The following PPEF1 variants were observed in gnomAD, a reference collection of about 807,000 sequenced individuals.
The protein encoded by PPEF1 is protein phosphatase with EF-hand domain 1, also known as serine/threonine-protein phosphatase with EF-hands 1.
A neutral mutation model predicts 53.3 loss-of-function variants in PPEF1; 12 were observed. The observed-to-expected ratio is 0.23, with a 90% CI of 0.14 to 0.36. PPEF1 has a LOEUF of 0.36. PPEF1 is among the 10% of genes least tolerant of loss of function. The pLI is 1.00. For missense variants in PPEF1, 334 were observed against 490.4 expected (o/e 0.68, Z 3.01); for synonymous variants, 165 against 176.7 (o/e 0.93, Z 0.52).
intron 8 of PPEF1, 81 bp downstream of exon 8, chrX:18,782,483 A>T: frequency 1.2e-6 from 1 of 803,824 alleles, no homozygotes; most frequent in South Asian, 2.6e-5. Context: ...AAGAAAGACC[A>T]GATTGATGCT....
intron 3 of PPEF1, among the ~76,000 whole-genome samples, chrX:18,742,370 C>T (rs1326797540): frequency 1.8e-5 from 2 of 111,432 alleles, no homozygotes; most frequent in Non-Finnish European, 3.8e-5. Context: ...ACTACCCCCA[C>T]ATTTAGTGAC....
Position 18,722,451 on chromosome X carries a change from G to C in PPEF1, c.47-7730G>C, listed in dbSNP as rs749512549. Among the ~76,000 whole-genome samples, 140 of 112,035 alleles carry C rather than the reference G, an allele frequency of 1.2e-3. 1 individual carries two copies. The highest frequency in any genetic ancestry group is 2.2e-3 in the Non-Finnish European group (117 of 53,259). On this transcript the variant is annotated intron_variant, in intron 1 of 15. Transcript: ENST00000470157. ...CTGCCAGAAGAATTTCAAAAGCAGAGAGCCTTTAAATACCTTATCATTCTG... is the reference window on the plus strand; with the variant it reads ...CTGCCAGAAGAATTTCAAAAGCAGACAGCCTTTAAATACCTTATCATTCTG...
At chrX:18,788,183 G>A (rs756349260) in intron 9 of PPEF1, among the ~76,000 whole-genome samples, 97 of 108,411 alleles carry the variant, frequency 8.9e-4, no homozygotes, top group African/African-American at 2.9e-3. Context: ...CGGGCGTGGT[G>A]GCGGGCGCCT....
intron 1 of PPEF1, among the ~76,000 whole-genome samples, chrX:18,729,898 A>G (rs1359706821): frequency 8.9e-6 from 1 of 112,226 alleles, no homozygotes; most frequent in Non-Finnish European, 1.9e-5. Context: ...AACTTACCCA[A>G]AGTAACATAG....
At chrX:18,715,708 G>A (rs1333366201) in intron 1 of PPEF1, among the ~76,000 whole-genome samples, 3 of 111,686 alleles carry the variant, frequency 2.7e-5, no homozygotes, top group Non-Finnish European at 5.6e-5. Flanking sequence ...TATAAATGAG[G>A]AAAGTGAGAC....
At chrX:18,693,724 G>C (rs746204318) in intron 4 of PPEF1, among the ~76,000 whole-genome samples, 9 of 111,526 alleles carry the variant, frequency 8.1e-5, no homozygotes, top group Non-Finnish European at 1.7e-4. Context: ...CTGCCACCAC[G>C]CCTGGCTAAT....
chrX:18,773,790 G>C (rs778931203), intron 6 of PPEF1, among the ~76,000 whole-genome samples: 1 of 111,067 alleles, frequency 9.0e-6, no homozygotes, highest in African/African-American at 3.3e-5. Context: ...CTCTCAATAA[G>C]ATAACTGTTT....
intron 3 of PPEF1, among the ~76,000 whole-genome samples, chrX:18,749,159 T>A (rs1209511127): frequency 8.9e-6 from 1 of 112,047 alleles, no homozygotes; most frequent in East Asian, 2.8e-4. Flanking sequence ...CACTCCGTTA[T>A]GTAGAACTGT....
intron 4 of PPEF1, among the ~76,000 whole-genome samples, chrX:18,751,775 A>G: frequency 8.9e-6 from 1 of 112,316 alleles, no homozygotes; most frequent in Non-Finnish European, 1.9e-5. Flanking sequence ...GCGAGACTCC[A>G]TCTCAAAAAA....
intron 4 of PPEF1, among the ~76,000 whole-genome samples, chrX:18,694,748 C>G (rs1050731238): frequency 1.8e-5 from 2 of 111,351 alleles, no homozygotes; most frequent in African/African-American, 6.5e-5. Context: ...CCCCCCCACC[C>G]AAATTTAGCC....
At chrX:18,802,389 A>C (rs761224301) in intron 10 of PPEF1, among the ~76,000 whole-genome samples, 1 of 111,625 alleles carries the variant, frequency 9.0e-6, no homozygotes, top group Admixed American at 9.6e-5. Context: ...GATTTTAAAA[A>C]TTTGGATCTT....
chrX:18,781,068 A>G (rs1413714071), intron 7 of PPEF1, among the ~76,000 whole-genome samples: 1 of 75,219 alleles, frequency 1.3e-5, no homozygotes, highest in Non-Finnish European at 2.5e-5. Context: ...AAACAAAAAA[A>G]AAGGGTGGGG....
intron 4 of PPEF1, among the ~76,000 whole-genome samples, chrX:18,751,767 G>A (rs997428111): frequency 2.7e-5 from 3 of 112,161 alleles, no homozygotes; most frequent in African/African-American, 9.7e-5. Context: ...GCGAGAAAGC[G>A]AGACTCCATC....
chrX:18,796,814 G>A (rs1046844736), intron 10 of PPEF1, among the ~76,000 whole-genome samples: 3 of 111,792 alleles, frequency 2.7e-5, no homozygotes, highest in Non-Finnish European at 5.6e-5. Flanking sequence ...AGGAAAGGAT[G>A]CCTCCTTAAA....
chrX:18,803,994 A>G lies in PPEF1; in HGVS notation c.1168A>G (p.Ile390Val), dbSNP rs746496800. The G allele has an allele frequency of 8.3e-6, 10 of 1,204,832 alleles. No individual in the cohort carries two copies. Among genetic ancestry groups the G allele is most frequent in the Non-Finnish European group, 1.0e-5 (9 of 889,598 alleles). The change falls in exon 11 of 16, where the codon ATT (isoleucine) becomes GTT (valine). Residue 390 changes from isoleucine to valine, a missense_variant. Ile to Val is a conservative substitution (Grantham distance 29). Transcript: ENST00000470157. ...TTTTGGACCAGATGTTACTTCCAAG[A>G]TTCTTAATAAATACCAGTTGAAGAT... ...CYFGPDVTSK[I>V]LNKYQLKMLI...
At chrX:18,710,758 A>C (rs966922416) in intron 1 of PPEF1, among the ~76,000 whole-genome samples, 1 of 111,654 alleles carries the variant, frequency 9.0e-6, no homozygotes, top group African/African-American at 3.3e-5. Flanking sequence ...ACCTCTGTGG[A>C]AAACATTATG....
At chrX:18,730,141 A>G (rs1407230759) in intron 1 of PPEF1, 40 bp from the exon 2 acceptor site, 3 of 1,180,313 alleles carry the variant, frequency 2.5e-6, no homozygotes, top group Non-Finnish European at 3.4e-6. Flanking sequence ...GGTGCATAGT[A>G]ACTGTTTTTC....
intron 9 of PPEF1, among the ~76,000 whole-genome samples, chrX:18,788,062 A>T (rs191293804): frequency 0.021 from 2,377 of 112,000 alleles, 37 homozygotes; most frequent in Non-Finnish European, 0.032. Context: ...CACGCCTGTA[A>T]TCCGAGCACT....
chrX:18,737,402 A>G (rs1196938948), intron 3 of PPEF1, among the ~76,000 whole-genome samples: 3 of 111,911 alleles, frequency 2.7e-5, no homozygotes, highest in Non-Finnish European at 5.6e-5. Context: ...ATTCAGGAGC[A>G]GGTTGTTCAG....
Sources: gnomAD v4.1 joint callset for allele counts (sites outside exome capture counted in the v4.1 genomes callset) on GRCh38, gnomAD v4.1.1 for gene constraint, MANE v1.5 for transcripts, NCBI Gene and HGNC (gene_info 2026-07-23, HGNC 2026-07-21) for gene names.